The following RAB3GAP1 variants were observed in gnomAD, a reference collection of about 807,000 sequenced individuals.
RAB3GAP1 encodes the protein rab3 GTPase-activating protein catalytic subunit.
Under a neutral mutation model 130.7 loss-of-function variants are expected in RAB3GAP1, and 86 were observed. The observed-to-expected ratio is 0.66, with a 90% CI of 0.55 to 0.79. The LOEUF is 0.79. Ranked by LOEUF, RAB3GAP1 falls within the 30% of genes least tolerant of loss-of-function variation. RAB3GAP1 has a pLI of 0.00. For synonymous variants in RAB3GAP1, 367 were observed against 401.7 expected (o/e 0.91, Z 1.03); for missense variants, 1,029 against 1,169.4 (o/e 0.88, Z 1.75).
At position 135,134,014 on chromosome 2, in the gene RAB3GAP1, A is replaced by G. The variant is rs1691617185; in HGVS notation, c.1480A>G (p.Asn494Asp). 3.1e-6 allele frequency: 5 copies of G among 1,613,790 alleles called. No individual in the cohort carries two copies. The South Asian group carries it at 5.5e-5, about 18-fold the overall frequency. The change falls in exon 15 of 24, where the codon AAC (asparagine) becomes GAC (aspartate). Residue 494 changes from asparagine to aspartate, a missense_variant. Transcript: ENST00000264158. Reference sequence around the variant, plus strand: ...TCTTGAAATGCGTTTCCGATGGGAAAACAACTTTCTGATTCCAGGGTAATA... The same window carrying G: ...TCTTGAAATGCGTTTCCGATGGGAAGACAACTTTCTGATTCCAGGGTAATA... The part of the protein sequence containing the change: ...FVLEMRFRWE[N>D]NFLIPGLASG...
chr2:135,167,785 C>T (rs1320025313), intron 23 of RAB3GAP1: 1 of 1,247,578 alleles, frequency 8.0e-7, no homozygotes, highest in Admixed American at 2.2e-5. Flanking sequence ...AGGTCATTAA[C>T]ACTAACCACC....
intron 3 of RAB3GAP1, among the ~76,000 whole-genome samples, chr2:135,073,978 T>C (rs1350674819): frequency 6.6e-6 from 1 of 152,166 alleles, no homozygotes; most frequent in Non-Finnish European, 1.5e-5. Context: ...GACTTCTCGA[T>C]GCACTTTCCA....
Position 135,169,641 on chromosome 2 carries a change from A to G in RAB3GAP1, c.*860A>G, listed in dbSNP as rs1692785161. ...TTGCAAAAATACAGTCTTGGTACCT[A>G]GAGACTGTCATGCAGATAGTATAAT... On this transcript the variant is annotated 3_prime_UTR_variant, in exon 24 of 24. Transcript: ENST00000264158. 2.4e-6 allele frequency: 1 copy of G among 424,992 alleles called. No individual in the cohort carries two copies. Among genetic ancestry groups the G allele is most frequent in the African/African-American group, 2.0e-5 (1 of 49,384 alleles). 26.3% of individuals were successfully genotyped at this position (424,992 alleles called of 1,614,324 possible). A position where few individuals can be genotyped will look rare whatever the true frequency, so the allele number is the denominator to read the frequency against.
intron 5 of RAB3GAP1, among the ~76,000 whole-genome samples, chr2:135,109,681 A>T (rs1463138468): frequency 6.6e-6 from 1 of 151,746 alleles, no homozygotes; most frequent in African/African-American, 2.4e-5. Flanking sequence ...TCCTGGGTTC[A>T]CGCCATTCTC....
intron 5 of RAB3GAP1, among the ~76,000 whole-genome samples, chr2:135,110,711 G>C (rs543259936): frequency 3.2e-4 from 49 of 152,290 alleles, no homozygotes; most frequent in African/African-American, 1.2e-3. Flanking sequence ...TAGAGATATA[G>C]ATGTAGAAAA....
chr2:135,109,514 G>A (rs990777691), intron 5 of RAB3GAP1, among the ~76,000 whole-genome samples: 2 of 151,456 alleles, frequency 1.3e-5, no homozygotes, highest in African/African-American at 2.4e-5. Context: ...TATGTAATTC[G>A]TTTGAGTTTT....
intron 5 of RAB3GAP1, among the ~76,000 whole-genome samples, chr2:135,098,664 C>A (rs971568224): frequency 1.3e-5 from 2 of 152,134 alleles, no homozygotes; most frequent in Non-Finnish European, 2.9e-5. Context: ...AACCCCTAAT[C>A]CCAATATATC....
At position 135,169,427 on chromosome 2, in the gene RAB3GAP1, A is replaced by T. The variant is rs756186625; in HGVS notation, c.*646A>T. 2 of 181,844 alleles carry T rather than the reference A, an allele frequency of 1.1e-5. No homozygotes were observed. Among genetic ancestry groups the T allele is most frequent in the Non-Finnish European group, 2.3e-5 (2 of 86,114 alleles). The allele number at this position is 181,844 out of a possible 1,614,324, so 11.3% of individuals were successfully genotyped here. A position where few individuals can be genotyped will look rare whatever the true frequency, so the allele number is the denominator to read the frequency against. On this transcript the variant is annotated 3_prime_UTR_variant, in exon 24 of 24. Transcript: ENST00000264158. ...AATGTATTACTTCTGATAAAACTAT[A>T]TATCAAATGTCACTGCAAATTAGTT...
intron 5 of RAB3GAP1, among the ~76,000 whole-genome samples, chr2:135,103,991 T>C (rs1470430210): frequency 6.6e-6 from 1 of 152,112 alleles, no homozygotes. Context: ...GGAGTGCCAG[T>C]TGCAATTTTG....
rs185558726 is a variant in RAB3GAP1, at chr2:135,106,123, G to C, written c.363-7028G>C. Among the ~76,000 whole-genome samples the C allele has an allele frequency of 4.9e-3, 740 of 151,630 alleles. 3 individuals carry two copies. The highest frequency in any genetic ancestry group is 0.01 in the Middle Eastern group (3 of 288). On this transcript the variant is annotated intron_variant, in intron 5 of 23. Coordinates refer to ENST00000264158, the MANE Select transcript of RAB3GAP1 (RefSeq NM_012233.3). ...GGGGTCAGCCCCCGCCCTGCCAGCC[G>C]CCCCGTCCAGGAGGTGGGGGGTGCC...
intron 19 of RAB3GAP1, among the ~76,000 whole-genome samples, chr2:135,162,034 G>GGT (rs1192627807): frequency 6.6e-6 from 1 of 152,006 alleles, no homozygotes; most frequent in African/African-American, 2.4e-5. Flanking sequence ...GGAGCCTAAA[G>GGT]GTAGGGTCCA....
intron 11 of RAB3GAP1, among the ~76,000 whole-genome samples, chr2:135,129,651 C>T (rs1038626164): frequency 5.9e-5 from 9 of 151,902 alleles, no homozygotes; most frequent in Non-Finnish European, 1.0e-4. Flanking sequence ...TTACTACATA[C>T]TTAGAGTAAG....
At chr2:135,170,888 T>A (rs1692831106), downstream of RAB3GAP1, among the ~76,000 whole-genome samples, 1 of 151,960 alleles carries the variant, frequency 6.6e-6, no homozygotes, top group Admixed American at 6.6e-5. Context: ...GAAATCATGA[T>A]TTTCATTGTG....
At chr2:135,055,796 A>C (rs972732593) in intron 2 of RAB3GAP1, among the ~76,000 whole-genome samples, 1 of 152,132 alleles carries the variant, frequency 6.6e-6, no homozygotes, top group African/African-American at 2.4e-5. Context: ...CTGTAAACTT[A>C]ACACCAGGAA....
downstream of RAB3GAP1, among the ~76,000 whole-genome samples, chr2:135,172,065 T>G (rs1243752743): frequency 2.0e-5 from 3 of 152,016 alleles, no homozygotes; most frequent in Non-Finnish European, 4.4e-5. Flanking sequence ...GGAGTTGAGA[T>G]TTGTTTTCTT....
At chr2:135,148,927 C>G (rs531424130) in intron 17 of RAB3GAP1, among the ~76,000 whole-genome samples, 1 of 152,230 alleles carries the variant, frequency 6.6e-6, no homozygotes, top group Non-Finnish European at 1.5e-5. Context: ...TATCTCTGCA[C>G]CTCATTTTCA....
intron 3 of RAB3GAP1, among the ~76,000 whole-genome samples, chr2:135,068,728 C>T (rs1269795171): frequency 6.6e-6 from 1 of 152,034 alleles, no homozygotes; most frequent in African/African-American, 2.4e-5. Flanking sequence ...ACTCCTGCCT[C>T]GGTGACAGAG....
intron 22 of RAB3GAP1, among the ~76,000 whole-genome samples, chr2:135,163,649 A>G (rs146406378): frequency 3.4e-4 from 52 of 152,340 alleles, no homozygotes; most frequent in African/African-American, 9.9e-4. Context: ...ACCATTACCA[A>G]TGGAGCTTAG....
chr2:135,126,248 T>G lies in RAB3GAP1; in HGVS notation c.898T>G (p.Ser300Ala). ...GATCATTGTGGATAATGATGTTTAT[T>G]CGTAAGTATGTTAAGAGTAGTAGTA... ...EGIIVDNDVY[S>A]DLDPIQAPHW... The change falls in exon 10 of 24, where the codon TCT becomes GCT. Residue 300 changes from serine to alanine, a missense_variant and splice_region_variant. By Grantham distance (99) the Ser-to-Ala change is moderately conservative. This residue lies in a region of RAB3GAP1 where 510 missense variants were observed against 532.1 expected (regional missense o/e 0.96). Transcript: ENST00000264158. 1.2e-6 allele frequency: 2 copies of G among 1,609,716 alleles called. No individual in the cohort carries two copies. Among genetic ancestry groups the G allele is most frequent in the South Asian group, 2.2e-5 (2 of 90,902 alleles).
Sources: allele counts gnomAD v4.1 joint callset (sites outside exome capture counted in the v4.1 genomes callset), GRCh38; gene constraint gnomAD v4.1.1; regional missense constraint gnomAD v4.1.1; transcripts MANE v1.5; gene names NCBI Gene and HGNC (gene_info 2026-07-23, HGNC 2026-07-21).